The following ALPL variants were observed in gnomAD, a reference collection of about 807,000 sequenced individuals.
ALPL encodes alkaline phosphatase, tissue-nonspecific isozyme.
A neutral mutation model predicts 51.3 loss-of-function variants in ALPL; 42 were observed. The observed-to-expected ratio is 0.82, with a 90% CI of 0.64 to 1.06. The LOEUF (loss-of-function observed/expected upper bound fraction) is 1.06, where lower values mean the gene tolerates loss of function less well. ALPL is among the 50% of genes least tolerant of loss of function. ALPL has a pLI of 0.00. For synonymous variants in ALPL, 279 were observed against 296.4 expected, an observed-to-expected ratio of 0.94 and a Z score of 0.60; for missense variants, 589 against 709.4, an observed-to-expected ratio of 0.83 and a Z score of 1.93.
In ALPL at chr1:21,577,885, G is replaced by C; in HGVS notation, c.*237G>C. 1 of 603,408 alleles carries C rather than the reference G, an allele frequency of 1.7e-6. No homozygotes were observed. The allele number at this position is 603,408 out of a possible 1,614,324, so 37.4% of individuals were successfully genotyped here. A position where few individuals can be genotyped will look rare whatever the true frequency, so the allele number is the denominator to read the frequency against. The stretch of plus-strand genomic sequence containing the variant: ...CTCCCCGCTGCCCTTTGGCCAACAG[G>C]GTAGATTTCTCTTGGGCAGGCAGAG... On this transcript the variant is annotated 3_prime_UTR_variant, in exon 12 of 12. Transcript: ENST00000374840.
chr1:21,512,192 TG>T (rs1376269469), intron 1 of ALPL, among the ~76,000 whole-genome samples: 1 of 152,146 alleles, frequency 6.6e-6, no homozygotes, highest in African/African-American at 2.4e-5. Flanking sequence ...AGGCTGGAGC[TG>T]GGCTTTGTGG....
At position 21,514,121 on chromosome 1, in the gene ALPL, C is replaced by T. The variant is rs118082973; in HGVS notation, c.-105+4604C>T. On this transcript the variant is annotated intron_variant, in intron 1 of 11. Transcript: ENST00000374840. The stretch of plus-strand genomic sequence containing the variant: ...CCATAGCCTGGCAACATCTACAAAA[C>T]ATGTCAGCTAGGCGAAGGAGCTTTT... Among the ~76,000 whole-genome samples, 90 of 152,320 alleles carry T rather than the reference C, an allele frequency of 5.9e-4. No homozygotes were observed. In the East Asian group the frequency reaches 0.012, roughly 21 times the overall value.
Position 21,554,012 on chromosome 1 carries a change from G to GC in ALPL, c.-67dup. On this transcript the variant is annotated 5_prime_UTR_variant, in exon 2 of 12. Coordinates refer to ENST00000374840, the MANE Select transcript of ALPL (RefSeq NM_000478.6). ...ATCAGTTAACATCTGACCACTGCCA[G>GC]CCCACCCCCTCCCACCCACGTCGAT... The GC allele has an allele frequency of 5.0e-6, 5 of 995,210 alleles. No homozygotes were observed. The highest frequency in any genetic ancestry group is 1.7e-5 in the Admixed American group (1 of 58,264). The allele number at this position is 995,210 out of a possible 1,614,324, so 61.6% of individuals were successfully genotyped here.
intron 8 of ALPL, among the ~76,000 whole-genome samples, chr1:21,573,167 C>T (rs1011565106): frequency 6.6e-6 from 1 of 152,238 alleles, no homozygotes; most frequent in Admixed American, 6.5e-5. Flanking sequence ...GGTGCGGAGG[C>T]TCACGCCTGT....
At chr1:21,559,970 G>A (rs980787491) in intron 2 of ALPL, among the ~76,000 whole-genome samples, 2 of 152,206 alleles carry the variant, frequency 1.3e-5, no homozygotes, top group Admixed American at 1.3e-4. Flanking sequence ...GTCACTATCA[G>A]CCAAGAGGGA....
intron 1 of ALPL, among the ~76,000 whole-genome samples, chr1:21,543,738 G>A (rs893406967): frequency 1.3e-5 from 2 of 152,130 alleles, no homozygotes; most frequent in Non-Finnish European, 1.5e-5. Flanking sequence ...TTGGGAAATC[G>A]CAAAAGACCT....
In ALPL at chr1:21,564,256, C is replaced by CGGGGCCTCTGGTGGGCAG. The variant is rs746899450; in HGVS notation, c.648+42_648+59dup. 13 of 1,608,678 alleles carry CGGGGCCTCTGGTGGGCAG rather than the reference C, an allele frequency of 8.1e-6. No homozygotes were observed. On this transcript the variant is annotated intron_variant, in intron 6 of 11. Coordinates refer to ENST00000374840, the MANE Select transcript of ALPL (RefSeq NM_000478.6). This position sits in a 1 kb window ranked among gnomAD's most constrained non-coding sequence, Gnocchi z 5.8. The stretch of plus-strand genomic sequence containing the variant: ...GCAGCCGGGCAGGGACGGGGTGAGG[C>CGGGGCCTCTGGTGGGCAG]GGGGCCTCTGGTGGGCAGGAGGCCT...
chr1:21,529,664 G>A (rs1644002466), intron 1 of ALPL, among the ~76,000 whole-genome samples: 1 of 152,140 alleles, frequency 6.6e-6, no homozygotes, highest in South Asian at 2.1e-4. Context: ...TTTTCACATA[G>A]AGTGTTTCCA....
chr1:21,562,840 G>C (rs1179327656), intron 4 of ALPL, among the ~76,000 whole-genome samples: 3 of 152,078 alleles, frequency 2.0e-5, no homozygotes, highest in African/African-American at 7.2e-5. Context: ...GACCCCACCT[G>C]AGCCCCAATC....
chr1:21,570,469 C>T (rs1006734897), intron 8 of ALPL, 95 bp downstream of exon 8: 44 of 1,332,314 alleles, frequency 3.3e-5, no homozygotes, highest in Middle Eastern at 2.1e-4. Context: ...CCTAGCCTGA[C>T]GCCCACTTAG....
rs539160606 is a variant in ALPL, at chr1:21,512,158, C to G, written c.-105+2641C>G. 2.0e-5 allele frequency among the ~76,000 whole-genome samples: 3 copies of G among 152,292 alleles called. No homozygotes were observed. In the East Asian group the frequency reaches 5.8e-4, roughly 29 times the overall value. ...CCACAGGAATGCTGACTTGGCTTCC[C>G]AGCACCATGTCGTCGTCCTTGGCAG... is the stretch of plus-strand genomic sequence containing the variant. On this transcript the variant is annotated intron_variant, in intron 1 of 11. Transcript: ENST00000374840.
rs1167444774 is a variant in ALPL at position 21,575,719 on chromosome 1, C to T, written c.998-14C>T. On this transcript the variant is annotated splice_polypyrimidine_tract_variant and intron_variant, in intron 9 of 11. Transcript: ENST00000374840. ...CCTCCTCCCTCACCGAGGCCTTTGC[C>T]TTGGTGTCCCAAGGAGGCAGAATTG... 2 of 1,614,012 alleles carry T rather than the reference C, an allele frequency of 1.2e-6. No homozygotes were observed. Among genetic ancestry groups the T allele is most frequent in the Non-Finnish European group, 1.7e-6 (2 of 1,180,034 alleles).
chr1:21,532,470 C>T lies in ALPL; in HGVS notation c.-104-21508C>T, dbSNP rs1306311464. ...CCTCCTGAAGTGCTGGGATTACAGG[C>T]GTGAGCTACTGCGCCCAGCCCAAGA... is the stretch of plus-strand genomic sequence containing the variant. On this transcript the variant is annotated intron_variant, in intron 1 of 11. Coordinates refer to ENST00000374840, the MANE Select transcript of ALPL (RefSeq NM_000478.6). Among the ~76,000 whole-genome samples the T allele has an allele frequency of 3.3e-5, 5 of 152,204 alleles. No homozygotes were observed. The South Asian group carries it at 1.0e-3, about 32-fold the overall frequency.
At chr1:21,573,906 G>T in intron 9 of ALPL, 107 bp downstream of exon 9, 1 of 1,561,738 alleles carries the variant, frequency 6.4e-7, no homozygotes, top group Non-Finnish European at 8.7e-7. Context: ...GGGGTGAAGG[G>T]AGAGGTCCCT....
intron 1 of ALPL, among the ~76,000 whole-genome samples, chr1:21,552,226 GTA>G (rs1334192182): frequency 6.8e-6 from 1 of 147,202 alleles, no homozygotes; most frequent in Admixed American, 6.8e-5. Context: ...GCTCACACCT[GTA>G]ATCCCAGCAC....
intron 1 of ALPL, among the ~76,000 whole-genome samples, chr1:21,525,613 A>G (rs1643931099): frequency 6.6e-6 from 1 of 152,206 alleles, no homozygotes; most frequent in East Asian, 1.9e-4. Context: ...TTCAACAAAC[A>G]TCTCATTAGC....
In ALPL at chr1:21,571,262, TC is replaced by T. The variant is rs1445941712; in HGVS notation, c.862+891del. 2.0e-5 allele frequency among the ~76,000 whole-genome samples: 3 copies of T among 152,302 alleles called. No homozygotes were observed. In the East Asian group the frequency reaches 5.8e-4, roughly 29 times the overall value. Reference sequence around the variant, plus strand: ...TTCTATAAAGTAGGGATAATGATGCTCCCATAAAATGGAGATAGTGATGGGG... The same window carrying T: ...TTCTATAAAGTAGGGATAATGATGCTCCATAAAATGGAGATAGTGATGGGG... On this transcript the variant is annotated intron_variant, in intron 8 of 11. Transcript: ENST00000374840.
chr1:21,561,099 A>G lies in ALPL; in HGVS notation c.184A>G (p.Met62Val), dbSNP rs1644478213. Residue 62 changes from methionine (M) to valine (V), a missense_variant and splice_region_variant, in exon 4 of 12, where the codon ATG (methionine) becomes GTG (valine). Transcript: ENST00000374840. Reference protein sequence around the residue: ...KNVIMFLGDGMGVSTVTAARI... With the variant: ...KNVIMFLGDGVGVSTVTAARI... ...GAGGCCCCCACTCCCCACTGCAGGG[A>G]TGGGTGTCTCCACAGTGACGGCTGC... The G allele has an allele frequency of 6.2e-7, 1 of 1,608,096 alleles. No individual in the cohort carries two copies. The highest frequency in any genetic ancestry group is 1.1e-5 in the South Asian group (1 of 89,774).
At chr1:21,519,028 T>C (rs1166856814) in intron 1 of ALPL, among the ~76,000 whole-genome samples, 1 of 152,234 alleles carries the variant, frequency 6.6e-6, no homozygotes, top group Non-Finnish European at 1.5e-5. Flanking sequence ...TTTTTCTTTG[T>C]AATGCAACAA....
Sources: allele counts gnomAD v4.1 joint callset (sites outside exome capture counted in the v4.1 genomes callset), GRCh38; gene constraint gnomAD v4.1.1; non-coding constraint Gnocchi (gnomAD v3.1); transcripts MANE v1.5; gene names NCBI Gene and HGNC (gene_info 2026-07-23, HGNC 2026-07-21).